CDC14B: variants seen among roughly 807,000 people sequenced by gnomAD.
CDC14B encodes cell division cycle 14B.
In CDC14B, 22 loss-of-function variants were observed where a neutral mutation model predicts 64.2. The ratio of observed to expected loss-of-function variants is 0.34; its 90% CI spans 0.24 to 0.49. The LOEUF (loss-of-function observed/expected upper bound fraction) is 0.49. Among genes scored for constraint, CDC14B ranks in the 20% least tolerant of loss-of-function variants. The pLI, the probability that CDC14B is intolerant of heterozygous loss-of-function variation, is 0.99. For missense variants in CDC14B, 498 were observed against 629.9 expected, an observed-to-expected ratio of 0.79 and a Z score of 2.24; for synonymous variants, 191 against 215.8, an observed-to-expected ratio of 0.89 and a Z score of 1.01.
intron 1 of CDC14B, among the ~76,000 whole-genome samples, chr9:96,568,212 AG>A (rs1844239793): frequency 6.6e-6 from 1 of 152,220 alleles, no homozygotes; most frequent in Non-Finnish European, 1.5e-5. Flanking sequence ...GATGGATCAA[AG>A]ACTTTTTAAA....
At chr9:96,543,541 T>C (rs1840388305) in intron 5 of CDC14B, among the ~76,000 whole-genome samples, 1 of 152,102 alleles carries the variant, frequency 6.6e-6, no homozygotes, top group Non-Finnish European at 1.5e-5. Context: ...TTATATTACT[T>C]TACAGACAAC....
chr9:96,594,387 C>A (rs1274388993), intron 1 of CDC14B, among the ~76,000 whole-genome samples: 1 of 152,196 alleles, frequency 6.6e-6, no homozygotes, highest in Non-Finnish European at 1.5e-5. Context: ...CAGAATCCAA[C>A]AGAACATAGA....
At chr9:96,541,102 G>T (rs993314675) in intron 6 of CDC14B, among the ~76,000 whole-genome samples, 1 of 152,222 alleles carries the variant, frequency 6.6e-6, no homozygotes, top group African/African-American at 2.4e-5. Context: ...GAAAAATGCT[G>T]TCAAAGGCTT....
intron 12 of CDC14B, among the ~76,000 whole-genome samples, chr9:96,513,102 G>A (rs981166220): frequency 2.8e-4 from 42 of 152,190 alleles, no homozygotes; most frequent in African/African-American, 9.6e-4. Flanking sequence ...CTTTTTAAAA[G>A]TATTTATTTC....
chr9:96,503,864 G>A, intron 13 of CDC14B, 75 bp from the exon 14 acceptor site: 10 of 1,149,564 alleles, frequency 8.7e-6, no homozygotes, highest in Non-Finnish European at 1.3e-5. Flanking sequence ...AGACAAGGAG[G>A]GCAACATAAT....
At chr9:96,513,217 G>A (rs1835155218) in intron 12 of CDC14B, among the ~76,000 whole-genome samples, 1 of 152,200 alleles carries the variant, frequency 6.6e-6, no homozygotes, top group Non-Finnish European at 1.5e-5. Context: ...GAACTTGAGT[G>A]TATTAACCAC....
downstream of CDC14B, among the ~76,000 whole-genome samples, chr9:96,498,502 C>A (rs1016872748): frequency 6.6e-6 from 1 of 152,172 alleles, no homozygotes; most frequent in African/African-American, 2.4e-5. Flanking sequence ...CAACCACTCT[C>A]GAGACTTAGC....
At chr9:96,511,873 A>G (rs1834949844) in intron 12 of CDC14B, among the ~76,000 whole-genome samples, 1 of 152,198 alleles carries the variant, frequency 6.6e-6, no homozygotes, top group Admixed American at 6.5e-5. Context: ...CAGGAGGATC[A>G]CTTGAGGCCA....
chr9:96,607,218 T>C (rs1847009679), intron 1 of CDC14B, among the ~76,000 whole-genome samples: 1 of 151,924 alleles, frequency 6.6e-6, no homozygotes, highest in Non-Finnish European at 1.5e-5. Flanking sequence ...TGGCAGGAAA[T>C]GGTTGTCTTC....
intron 4 of CDC14B, among the ~76,000 whole-genome samples, chr9:96,552,922 A>C (rs1283151428): frequency 1.3e-5 from 2 of 152,202 alleles, no homozygotes; most frequent in Non-Finnish European, 2.9e-5. Context: ...AATTTCACTA[A>C]TAAAAAAAAA....
intron 1 of CDC14B, among the ~76,000 whole-genome samples, chr9:96,611,070 C>T (rs1204487478): frequency 6.9e-6 from 1 of 145,774 alleles, no homozygotes; most frequent in Non-Finnish European, 1.5e-5. Flanking sequence ...TTTGTTGGAG[C>T]AGTATCCATG....
At chr9:96,589,774 T>C (rs1471749446) in intron 1 of CDC14B, among the ~76,000 whole-genome samples, 2 of 151,862 alleles carry the variant, frequency 1.3e-5, no homozygotes, top group African/African-American at 2.4e-5. Context: ...CTGGTTAACA[T>C]GGTGAAACCC....
chr9:96,539,414 C>T (rs1839738139), intron 6 of CDC14B, among the ~76,000 whole-genome samples: 1 of 152,092 alleles, frequency 6.6e-6, no homozygotes, highest in Non-Finnish European at 1.5e-5. Context: ...ACCAGTCATC[C>T]TATCCATGTA....
chr9:96,591,840 G>A (rs1201326137), intron 1 of CDC14B, among the ~76,000 whole-genome samples: 1 of 151,814 alleles, frequency 6.6e-6, no homozygotes, highest in Non-Finnish European at 1.5e-5. Flanking sequence ...CCGCCTCCCG[G>A]GTTCACGCCA....
At chr9:96,539,703 A>G (rs557969574) in intron 6 of CDC14B, among the ~76,000 whole-genome samples, 3 of 152,254 alleles carry the variant, frequency 2.0e-5, no homozygotes, top group African/African-American at 2.4e-5. Flanking sequence ...ACTTTTGAGG[A>G]AAAAAAAGAT....
chr9:96,610,348 G>A (rs889876639), intron 1 of CDC14B, among the ~76,000 whole-genome samples: 2 of 151,918 alleles, frequency 1.3e-5, no homozygotes, highest in African/African-American at 2.4e-5. Context: ...ACAGGTGCCC[G>A]CCACCACGCC....
chr9:96,497,273 C>T (rs1158176600), downstream of CDC14B, among the ~76,000 whole-genome samples: 1 of 152,172 alleles, frequency 6.6e-6, no homozygotes, highest in Non-Finnish European at 1.5e-5. Context: ...GCCAAAGAGT[C>T]AGGCGGGGTT....
intron 4 of CDC14B, among the ~76,000 whole-genome samples, chr9:96,558,660 A>G (rs1842787526): frequency 1.3e-5 from 2 of 152,240 alleles, no homozygotes; most frequent in South Asian, 2.1e-4. Flanking sequence ...AAGGATTTTT[A>G]TTATGAATTT....
chr9:96,539,507 G>T (rs1171891832), intron 6 of CDC14B, among the ~76,000 whole-genome samples: 5 of 152,154 alleles, frequency 3.3e-5, no homozygotes, highest in East Asian at 1.9e-4. Flanking sequence ...AGAAGTTTAG[G>T]ATTCAAATAT....
Sources: allele counts gnomAD v4.1 joint callset (sites outside exome capture counted in the v4.1 genomes callset), GRCh38; gene constraint gnomAD v4.1.1; transcripts MANE v1.5; gene names NCBI Gene and HGNC (gene_info 2026-07-23, HGNC 2026-07-21).